The following YY1 variants were observed in gnomAD, a reference collection of about 807,000 sequenced individuals.
YY1 encodes the protein YY1 transcription factor.
In YY1, 2 loss-of-function variants were observed where a neutral mutation model predicts 35.6. The ratio of observed to expected loss-of-function variants is 0.06; its 90% CI spans 0.02 to 0.18. The LOEUF is 0.18. Among genes scored for constraint, YY1 ranks in the 10% least tolerant of loss-of-function variants. The pLI, the probability that YY1 is intolerant of heterozygous loss-of-function variation, is 1.00. For synonymous variants in YY1, 268 were observed against 238.9 expected (o/e 1.12, Z -1.12); for missense variants, 322 against 573.4 (o/e 0.56, Z 4.48).
At chr14:100,247,745 A>G (rs895017682) in intron 1 of YY1, among the ~76,000 whole-genome samples, 3 of 152,158 alleles carry the variant, frequency 2.0e-5, no homozygotes, top group African/African-American at 7.2e-5. Flanking sequence ...CGTTCTAAGT[A>G]TCTTCTCAGT....
Position 100,242,922 on chromosome 14 carries a change from C to G in YY1, c.679+2999C>G, listed in dbSNP as rs547350173. On this transcript the variant is annotated intron_variant, in intron 1 of 4. Transcript: ENST00000262238. ...CACCACCACCCCTGGCTATAATGTCCATTTCTTTAAAGCGCTGGTTGTCTA... is the reference window on the plus strand; with the variant it reads ...CACCACCACCCCTGGCTATAATGTCGATTTCTTTAAAGCGCTGGTTGTCTA... 2.0e-5 allele frequency among the ~76,000 whole-genome samples: 3 copies of G among 152,136 alleles called. No homozygotes were observed. In the South Asian group the frequency reaches 6.2e-4, roughly 32 times the overall value.
chr14:100,239,657 C>G lies in YY1; in HGVS notation c.413C>G (p.Pro138Arg). 6.2e-7 allele frequency: 1 copy of G among 1,609,774 alleles called. No individual in the cohort carries two copies. Among genetic ancestry groups the G allele is most frequent in the Non-Finnish European group, 8.5e-7 (1 of 1,179,542 alleles). Reference protein sequence around the residue: ...EDQILIPVPAPAGGDDDYIEQ... With the variant: ...EDQILIPVPARAGGDDDYIEQ... Reference sequence around the variant, plus strand: ...CAGATTCTCATCCCGGTGCCCGCGCCGGCCGGCGGCGACGACGACTACATT... The same window carrying G: ...CAGATTCTCATCCCGGTGCCCGCGCGGGCCGGCGGCGACGACGACTACATT... Residue 138 changes from proline (P) to arginine (R), a missense_variant, in exon 1 of 5, where the codon CCG becomes CGG. Pro to Arg is a moderately radical substitution (Grantham distance 103). This residue lies in a region of YY1 where 152 missense variants were observed against 167.1 expected (regional missense o/e 0.91). Transcript: ENST00000262238.
In YY1 at chr14:100,277,896, C is replaced by CT. The variant is rs1891347698; in HGVS notation, c.*299dup. ...ATGAACTTCGCATCAAAAGACAATT[C>CT]TTTATACAACAGTGCTAAAAATGGG... On this transcript the variant is annotated 3_prime_UTR_variant, in exon 5 of 5. Transcript: ENST00000262238. The surrounding 1 kb of genome is among the most constrained non-coding windows in gnomAD (Gnocchi z 5.6). 2.7e-6 allele frequency: 1 copy of CT among 371,934 alleles called. No homozygotes were observed. The highest frequency in any genetic ancestry group is 4.9e-6 in the Non-Finnish European group (1 of 202,672). The allele number at this position is 371,934 out of a possible 1,614,324, so 23.0% of individuals were successfully genotyped here.
At chr14:100,243,804 C>CAA (rs60629986) in intron 1 of YY1, among the ~76,000 whole-genome samples, 2,332 of 121,954 alleles carry the variant, frequency 0.019, 35 homozygotes, top group African/African-American at 0.043. Flanking sequence ...GAGACACTGT[C>CAA]AAAAAAAAAA....
At chr14:100,242,876 G>A (rs1890772253) in intron 1 of YY1, among the ~76,000 whole-genome samples, 1 of 152,142 alleles carries the variant, frequency 6.6e-6, no homozygotes, top group South Asian at 2.1e-4. Flanking sequence ...AGCCTCCCAA[G>A]TAGCTGGGAT....
intron 1 of YY1, among the ~76,000 whole-genome samples, chr14:100,256,162 A>G (rs1891003116): frequency 6.6e-6 from 1 of 152,008 alleles, no homozygotes; most frequent in African/African-American, 2.4e-5. Context: ...AAACATCTAT[A>G]TGCCAGTGAT....
At chr14:100,250,446 G>A (rs914739362) in intron 1 of YY1, among the ~76,000 whole-genome samples, 2 of 151,972 alleles carry the variant, frequency 1.3e-5, no homozygotes, top group Non-Finnish European at 2.9e-5. Flanking sequence ...ACATATACAT[G>A]CATACATACA....
At chr14:100,249,015 A>G (rs1890880518) in intron 1 of YY1, among the ~76,000 whole-genome samples, 1 of 148,854 alleles carries the variant, frequency 6.7e-6, no homozygotes, top group Non-Finnish European at 1.5e-5. Flanking sequence ...CCATTCAGTT[A>G]CTTTGGTTTT....
At position 100,277,252 on chromosome 14, in the gene YY1, A is replaced by G. The variant is rs1891335207; in HGVS notation, c.1063-166A>G. On this transcript the variant is annotated intron_variant, in intron 4 of 4. Transcript: ENST00000262238. The surrounding 1 kb of genome is among the most constrained non-coding windows in gnomAD (Gnocchi z 5.6). The stretch of plus-strand genomic sequence containing the variant: ...TCTCCTTGGGTTTTCGGGGTTGTCC[A>G]ACCTGCCTGCTGATTCTAGACTATA... The G allele has an allele frequency of 1.1e-6, 1 of 885,572 alleles. No individual in the cohort carries two copies. The highest frequency in any genetic ancestry group is 1.7e-5 in the African/African-American group (1 of 60,274). The allele number at this position is 885,572 out of a possible 1,614,324, so 54.9% of individuals were successfully genotyped here.
intron 1 of YY1, among the ~76,000 whole-genome samples, chr14:100,255,699 G>C (rs1188930967): frequency 6.6e-6 from 1 of 152,158 alleles, no homozygotes; most frequent in African/African-American, 2.4e-5. Context: ...TTTTATTATG[G>C]TTTTAAAATT....
Position 100,239,439 on chromosome 14 carries a change from C to T in YY1, c.195C>T (p.His65=), listed in dbSNP as rs570585035. 110 of 1,592,024 alleles carry T rather than the reference C, an allele frequency of 6.9e-5. No individual in the cohort carries two copies. The South Asian group carries it at 1.2e-3, about 17-fold the overall frequency. ...GGGDHGGGGG[H]GHAGHHHHHH... ...GCGACCACGGCGGCGGGGGCGGCCA[C>T]GGGCACGCCGGCCACCACCACCACC... The change falls in exon 1 of 5, where the codon CAC becomes CAT. Residue 65 remains histidine, a synonymous_variant. Coordinates refer to ENST00000262238, the MANE Select transcript of YY1 (RefSeq NM_003403.5).
At chr14:100,269,100 G>A (rs1257907322) in intron 2 of YY1, among the ~76,000 whole-genome samples, 1 of 152,126 alleles carries the variant, frequency 6.6e-6, no homozygotes, top group African/African-American at 2.4e-5. Flanking sequence ...TGAGTTGTTG[G>A]GTGTCTGACT....
intron 2 of YY1, among the ~76,000 whole-genome samples, chr14:100,269,370 G>A (rs564339170): frequency 6.6e-6 from 1 of 152,166 alleles, no homozygotes; most frequent in Non-Finnish European, 1.5e-5. Flanking sequence ...CATGCAGCTA[G>A]TAGAAGTCAC....
intron 2 of YY1, among the ~76,000 whole-genome samples, chr14:100,266,913 T>TATA (rs1297231540): frequency 6.6e-6 from 1 of 152,172 alleles, no homozygotes; most frequent in Non-Finnish European, 1.5e-5. Flanking sequence ...AATTTGAAGA[T>TATA]ATAATACAGC....
chr14:100,241,979 G>A (rs1199762323), intron 1 of YY1, among the ~76,000 whole-genome samples: 7 of 2,022 alleles, frequency 3.5e-3, no homozygotes, highest in African/African-American at 6.1e-3. Flanking sequence ...TGTCTCAAAA[G>A]GGGGGGGGGG....
chr14:100,262,449 A>G lies in YY1; in HGVS notation c.825A>G (p.Gln275=), dbSNP rs1362810878. 4 of 1,614,096 alleles carry G rather than the reference A, an allele frequency of 2.5e-6. No individual in the cohort carries two copies. In the East Asian group the frequency reaches 6.7e-5, roughly 27 times the overall value. ...GCATTGACCTCTCAGATCCCAAACA[A>G]CTGGCAGAATTTGCTAGGTAAGTTA... ...IPGIDLSDPK[Q]LAEFARMKPR... is the part of the protein sequence containing the mutation. Residue 275 remains glutamine, a synonymous_variant, in exon 2 of 5, where the codon CAA becomes CAG. Transcript: ENST00000262238.
chr14:100,273,152 A>G (rs1891269992), intron 2 of YY1, among the ~76,000 whole-genome samples: 1 of 151,596 alleles, frequency 6.6e-6, no homozygotes, highest in Non-Finnish European at 1.5e-5. Flanking sequence ...TTTAGTAGAG[A>G]TGGGGTTTCA....
chr14:100,242,489 C>T (rs1890765259), intron 1 of YY1, among the ~76,000 whole-genome samples: 1 of 144,176 alleles, frequency 6.9e-6, no homozygotes, highest in African/African-American at 2.5e-5. Context: ...CCCGAGTTTA[C>T]GCCATTCTCC....
chr14:100,281,493 G>C lies in YY1; in HGVS notation c.*3893G>C, dbSNP rs1052047690. On this transcript the variant is annotated 3_prime_UTR_variant, in exon 5 of 5. Coordinates refer to ENST00000262238, the MANE Select transcript of YY1 (RefSeq NM_003403.5). ...TGGATACACTGACAGTAATGTGAGCGCAGCACTTCAGAGTTCAGGCCCAGC... is the reference window on the plus strand; with the variant it reads ...TGGATACACTGACAGTAATGTGAGCCCAGCACTTCAGAGTTCAGGCCCAGC... The C allele has an allele frequency of 6.6e-6, 1 of 152,182 alleles. No individual in the cohort carries two copies. Among genetic ancestry groups the C allele is most frequent in the Non-Finnish European group, 1.5e-5 (1 of 68,054 alleles). The allele number at this position is 152,182 out of a possible 1,614,324, so 9.4% of individuals were successfully genotyped here. A position where few individuals can be genotyped will look rare whatever the true frequency, so the allele number is the denominator to read the frequency against.
Sources: allele counts gnomAD v4.1 joint callset (sites outside exome capture counted in the v4.1 genomes callset), GRCh38; gene constraint gnomAD v4.1.1; regional missense constraint gnomAD v4.1.1; non-coding constraint Gnocchi (gnomAD v3.1); transcripts MANE v1.5; gene names NCBI Gene and HGNC (gene_info 2026-07-23, HGNC 2026-07-21).